The following NCS1 variants were observed in gnomAD, a reference collection of about 807,000 sequenced individuals.
NCS1 encodes the protein neuronal calcium sensor 1.
NCS1 carries 6 observed loss-of-function variants against 28.4 expected under a neutral mutation model. That is an observed-to-expected ratio of 0.21 (90% CI 0.12 to 0.42). The LOEUF is 0.42. Ranked by LOEUF, NCS1 falls within the 10% of genes least tolerant of loss-of-function variation. NCS1 has a pLI of 1.00. For synonymous variants in NCS1, 86 were observed against 99.3 expected, an observed-to-expected ratio of 0.87 and a Z score of 0.79; for missense variants, 131 against 241.4, an observed-to-expected ratio of 0.54 and a Z score of 3.03.
Position 130,229,091 on chromosome 9 carries a change from T to A in NCS1, c.*17+2587T>A, listed in dbSNP as rs188354040. On this transcript the variant is annotated intron_variant, in intron 7 of 7. Coordinates refer to ENST00000372398, the MANE Select transcript of NCS1 (RefSeq NM_014286.4). ...AAAACCTCAATTAAAAAGTTTATTT[T>A]AAAAAAAACCCCTTATGTATGACTC... 4.2e-3 allele frequency among the ~76,000 whole-genome samples: 634 copies of A among 151,924 alleles called. 5 individuals carry two copies. The highest frequency in any genetic ancestry group is 0.014 in the African/African-American group (590 of 41,432).
chr9:130,212,150 G>A (rs1185699623), intron 2 of NCS1, among the ~76,000 whole-genome samples: 2 of 152,152 alleles, frequency 1.3e-5, no homozygotes, highest in African/African-American at 2.4e-5. Context: ...ATGTTGGGAC[G>A]ATGGGGCAGA....
intron 1 of NCS1, 148 bp from the exon 2 acceptor site, chr9:130,200,810 A>C: frequency 7.1e-7 from 1 of 1,407,482 alleles, no homozygotes; most frequent in Non-Finnish European, 1.0e-6. Flanking sequence ...TCACCAAGGG[A>C]GCATTTTCTC....
intron 2 of NCS1, among the ~76,000 whole-genome samples, chr9:130,208,891 T>G (rs898825735): frequency 7.2e-5 from 11 of 152,112 alleles, no homozygotes; most frequent in Non-Finnish European, 2.9e-5. Context: ...TGTGTGTGTG[T>G]GTGGAGTCTG....
At position 130,237,147 on chromosome 9, in the gene NCS1, T is replaced by A. The variant is rs1833605873; in HGVS notation, c.*4175T>A. The A allele has an allele frequency of 6.6e-6, 1 of 152,260 alleles. No homozygotes were observed. The highest frequency in any genetic ancestry group is 6.5e-5 in the Admixed American group (1 of 15,278). 9.4% of individuals were successfully genotyped at this position (152,260 alleles called of 1,614,324 possible). A position where few individuals can be genotyped will look rare whatever the true frequency, so the allele number is the denominator to read the frequency against. On this transcript the variant is annotated 3_prime_UTR_variant, in exon 8 of 8. Coordinates refer to ENST00000372398, the MANE Select transcript of NCS1 (RefSeq NM_014286.4). ...CTTTGAGTCTCTTTTTGGGGTGCCG[T>A]CCTGTCTGAACCTGCCGGTGTGTGT...
intron 2 of NCS1, among the ~76,000 whole-genome samples, chr9:130,210,286 C>A (rs1833095332): frequency 6.6e-6 from 1 of 151,812 alleles, no homozygotes; most frequent in African/African-American, 2.4e-5. Context: ...GTAGTCCCAG[C>A]TACTCGGGAG....
intron 2 of NCS1, among the ~76,000 whole-genome samples, chr9:130,216,649 G>A (rs1362805487): frequency 6.6e-6 from 1 of 151,698 alleles, no homozygotes; most frequent in Non-Finnish European, 1.5e-5. Flanking sequence ...CCGGGAGGTG[G>A]AGGTTGCAGT....
At chr9:130,176,124 T>C (rs949780377) in intron 1 of NCS1, among the ~76,000 whole-genome samples, 3 of 151,400 alleles carry the variant, frequency 2.0e-5, no homozygotes. Flanking sequence ...TCGTAATTAA[T>C]GCTTATTTGT....
chr9:130,225,525 A>G (rs1384283258), intron 6 of NCS1, among the ~76,000 whole-genome samples: 2 of 152,242 alleles, frequency 1.3e-5, no homozygotes, highest in African/African-American at 4.8e-5. Flanking sequence ...GGGAAACAGC[A>G]CAGACCCTGT....
intron 1 of NCS1, among the ~76,000 whole-genome samples, chr9:130,179,964 G>A (rs560345104): frequency 2.0e-5 from 3 of 152,102 alleles, no homozygotes; most frequent in East Asian, 3.9e-4. Context: ...GTTGGCTGTT[G>A]GGGTTCAGAT....
chr9:130,173,424 C>G (rs1832519536), intron 1 of NCS1, among the ~76,000 whole-genome samples: 2 of 152,186 alleles, frequency 1.3e-5, no homozygotes, highest in Non-Finnish European at 2.9e-5. Context: ...CCTTTCTGGG[C>G]GTCTCCAGAT....
intron 2 of NCS1, among the ~76,000 whole-genome samples, chr9:130,217,457 G>C (rs1246455330): frequency 1.3e-5 from 2 of 152,216 alleles, no homozygotes; most frequent in African/African-American, 2.4e-5. Context: ...TGGGGAGGTG[G>C]GAGGGTCTTG....
intron 7 of NCS1, among the ~76,000 whole-genome samples, chr9:130,231,915 A>G (rs1833506174): frequency 6.6e-6 from 1 of 150,458 alleles, no homozygotes; most frequent in African/African-American, 2.4e-5. Context: ...GTGGGTGTGA[A>G]GTGGTTGCCT....
chr9:130,178,198 A>G lies in NCS1; in HGVS notation c.64+5471A>G, dbSNP rs1210131853. 2.0e-5 allele frequency among the ~76,000 whole-genome samples: 3 copies of G among 152,288 alleles called. No homozygotes were observed. In the East Asian group the frequency reaches 5.8e-4, roughly 29 times the overall value. On this transcript the variant is annotated intron_variant, in intron 1 of 7. Coordinates refer to ENST00000372398, the MANE Select transcript of NCS1 (RefSeq NM_014286.4). Reference sequence around the variant, plus strand: ...AACCTTTCAAAACTTTCCTGGCAGCAGCTGGTCCTTGGGGTGCAAGTCTTC... The same window carrying G: ...AACCTTTCAAAACTTTCCTGGCAGCGGCTGGTCCTTGGGGTGCAAGTCTTC...
rs372105045 is a variant in NCS1, at chr9:130,209,363, G to A, written c.89+8381G>A. Among the ~76,000 whole-genome samples, 1 of 152,158 alleles carries A rather than the reference G, an allele frequency of 6.6e-6. No homozygotes were observed. Among genetic ancestry groups the A allele is most frequent in the Admixed American group, 6.5e-5 (1 of 15,272 alleles). On this transcript the variant is annotated intron_variant, in intron 2 of 7. Transcript: ENST00000372398. This position sits in a 1 kb window ranked among gnomAD's most constrained non-coding sequence, Gnocchi z 4.4. Reference sequence around the variant, plus strand: ...AATTCGGGGGAAGTCCTAGAGGACCGGGGCGTTTGGGAGACTGAGGCCTGG... The same window carrying A: ...AATTCGGGGGAAGTCCTAGAGGACCAGGGCGTTTGGGAGACTGAGGCCTGG...
intron 6 of NCS1, among the ~76,000 whole-genome samples, chr9:130,223,622 G>A (rs965117910): frequency 2.0e-5 from 3 of 152,052 alleles, no homozygotes; most frequent in African/African-American, 7.2e-5. Context: ...CCGAAATTGC[G>A]AGCTGTAATA....
At chr9:130,218,781 G>A (rs1371572493) in intron 3 of NCS1, among the ~76,000 whole-genome samples, 1 of 151,980 alleles carries the variant, frequency 6.6e-6, no homozygotes, top group African/African-American at 2.4e-5. Flanking sequence ...AGTAGAGATG[G>A]GGTTTCACCG....
In NCS1 at chr9:130,192,920, A is replaced by T. The variant is rs941196614; in HGVS notation, c.65-8038A>T. ...GCGGTACTCCATGGTTGGCACAGCT[A>T]GTAATGTCCTCTCTCACAGATGGGG... is the stretch of plus-strand genomic sequence containing the variant. On this transcript the variant is annotated intron_variant, in intron 1 of 7. Transcript: ENST00000372398. The surrounding 1 kb of genome is among the most constrained non-coding windows in gnomAD (Gnocchi z 4.8). Among the ~76,000 whole-genome samples, 3 of 152,204 alleles carry T rather than the reference A, an allele frequency of 2.0e-5. No individual in the cohort carries two copies. Among genetic ancestry groups the T allele is most frequent in the Non-Finnish European group, 4.4e-5 (3 of 68,036 alleles).
chr9:130,172,663 G>A lies in NCS1; in HGVS notation c.-1G>A. On this transcript the variant is annotated 5_prime_UTR_variant, in exon 1 of 8. Coordinates refer to ENST00000372398, the MANE Select transcript of NCS1 (RefSeq NM_014286.4). The stretch of plus-strand genomic sequence containing the variant: ...GGGGGCGGGGGCCGCGGCCGCCGAG[G>A]ATGGGGAAATCCAACAGCAAGTTGA... The A allele has an allele frequency of 6.7e-7, 1 of 1,487,170 alleles. No individual in the cohort carries two copies. The highest frequency in any genetic ancestry group is 1.2e-5 in the South Asian group (1 of 80,562). 92.1% of individuals were successfully genotyped at this position (1,487,170 alleles called of 1,614,324 possible). A position where few individuals can be genotyped will look rare whatever the true frequency, so the allele number is the denominator to read the frequency against.
chr9:130,226,627 C>A lies in NCS1; in HGVS notation c.*17+123C>A. Reference sequence around the variant, plus strand: ...TCTGGGGGTGTTGTGGTCAGCCTAGCAGGGACATAGCTGGGAGGAGGAGGC... The same window carrying A: ...TCTGGGGGTGTTGTGGTCAGCCTAGAAGGGACATAGCTGGGAGGAGGAGGC... On this transcript the variant is annotated intron_variant, in intron 7 of 7. Coordinates refer to ENST00000372398, the MANE Select transcript of NCS1 (RefSeq NM_014286.4). This position sits in a 1 kb window ranked among gnomAD's most constrained non-coding sequence, Gnocchi z 4.8. The A allele has an allele frequency of 1.4e-6, 1 of 719,138 alleles. No homozygotes were observed. The highest frequency in any genetic ancestry group is 1.7e-5 in the South Asian group (1 of 58,106). 44.5% of individuals were successfully genotyped at this position (719,138 alleles called of 1,614,324 possible).
Sources: allele counts gnomAD v4.1 joint callset (sites outside exome capture counted in the v4.1 genomes callset), GRCh38; gene constraint gnomAD v4.1.1; non-coding constraint Gnocchi (gnomAD v3.1); transcripts MANE v1.5; gene names NCBI Gene and HGNC (gene_info 2026-07-23, HGNC 2026-07-21).